The following TTL variants were observed in gnomAD, a reference collection of about 807,000 sequenced individuals.
TTL encodes tubulin tyrosine ligase.
TTL carries 10 observed loss-of-function variants against 41.1 expected under a neutral mutation model. That is an observed-to-expected ratio of 0.24 (90% CI 0.15 to 0.41). The LOEUF (loss-of-function observed/expected upper bound fraction) is 0.41, where lower values mean the gene tolerates loss of function less well. Among genes scored for constraint, TTL ranks in the 10% least tolerant of loss-of-function variants. The pLI is 1.00. For synonymous variants in TTL, 175 were observed against 175.5 expected, an observed-to-expected ratio of 1.00 and a Z score of 0.02; for missense variants, 367 against 460.4, an observed-to-expected ratio of 0.80 and a Z score of 1.86.
In TTL at chr2:112,533,888, CTTGAAGATTG is replaced by C. The variant is rs982119445; in HGVS notation, c.*5097_*5106del. The C allele has an allele frequency of 2.0e-5, 3 of 152,316 alleles. No homozygotes were observed. Among genetic ancestry groups the C allele is most frequent in the Middle Eastern group, 3.4e-3 (1 of 294 alleles). 9.4% of individuals were successfully genotyped at this position (152,316 alleles called of 1,614,324 possible). Reference sequence around the variant, plus strand: ...TCCAATGCAATACATAGTAGCAGAACTTGAAGATTGTTGCAAGCATAATTCCTTTCAAAAA... The same window carrying C: ...TCCAATGCAATACATAGTAGCAGAACTTGCAAGCATAATTCCTTTCAAAAA... On this transcript the variant is annotated 3_prime_UTR_variant, in exon 7 of 7. Coordinates refer to ENST00000233336, the MANE Select transcript of TTL (RefSeq NM_153712.5).
At chr2:112,519,550 G>GTTT (rs34836273) in intron 5 of TTL, among the ~76,000 whole-genome samples, 18 of 110,498 alleles carry the variant, frequency 1.6e-4, no homozygotes, top group South Asian at 3.0e-4. Context: ...AGGTCAACAT[G>GTTT]TTTTTTTTTT....
At chr2:112,488,757 T>TAA (rs199534560) in intron 2 of TTL, among the ~76,000 whole-genome samples, 1 of 119,372 alleles carries the variant, frequency 8.4e-6, no homozygotes, top group African/African-American at 3.1e-5. Flanking sequence ...GACTCCTTCT[T>TAA]AAAAAAAAAG....
chr2:112,493,811 A>G (rs1331810500), intron 2 of TTL, among the ~76,000 whole-genome samples: 7 of 152,144 alleles, frequency 4.6e-5, no homozygotes, highest in Non-Finnish European at 1.0e-4. Flanking sequence ...TAGTATGGGT[A>G]TGGTTCAACA....
At chr2:112,488,874 G>A (rs2104447918) in intron 2 of TTL, among the ~76,000 whole-genome samples, 1 of 152,292 alleles carries the variant, frequency 6.6e-6, no homozygotes, top group Non-Finnish European at 1.5e-5. Flanking sequence ...GGATCACGAT[G>A]TCAAGAGATT....
At position 112,521,279 on chromosome 2, in the gene TTL, G is replaced by C. The variant is rs947201224; in HGVS notation, c.1019+854G>C. ...TGAGAACCTGCTCTCCGGAACTTCT[G>C]CTTCTCTCGGGAGAAGGCTGGTTGT... On this transcript the variant is annotated intron_variant, in intron 6 of 6. Coordinates refer to ENST00000233336, the MANE Select transcript of TTL (RefSeq NM_153712.5). 8.1e-6 allele frequency: 8 copies of C among 985,284 alleles called. No homozygotes were observed. The African/African-American group carries it at 1.4e-4, about 17-fold the overall frequency. The allele number at this position is 985,284 out of a possible 1,614,324, so 61.0% of individuals were successfully genotyped here.
intron 3 of TTL, among the ~76,000 whole-genome samples, chr2:112,495,566 G>T (rs1179995829): frequency 6.6e-6 from 1 of 152,098 alleles, no homozygotes; most frequent in Non-Finnish European, 1.5e-5. Context: ...AACCATTCTG[G>T]CTGGGCATAG....
rs1682579434 is a variant in TTL at position 112,535,308 on chromosome 2, A to G, written c.*6513A>G. The G allele has an allele frequency of 6.6e-6, 1 of 152,174 alleles. No individual in the cohort carries two copies. Among genetic ancestry groups the G allele is most frequent in the African/African-American group, 2.4e-5 (1 of 41,456 alleles). 9.4% of individuals were successfully genotyped at this position (152,174 alleles called of 1,614,324 possible). A position where few individuals can be genotyped will look rare whatever the true frequency, so the allele number is the denominator to read the frequency against. ...ATGATCAGTGCTTCAGACACCCGTC[A>G]GACACCATCAAACATACCAACATAC... On this transcript the variant is annotated 3_prime_UTR_variant, in exon 7 of 7. Transcript: ENST00000233336.
At position 112,494,251 on chromosome 2, in the gene TTL, A is replaced by G. The variant is rs1321510484; in HGVS notation, c.345A>G (p.Gly115=). ...CTCCAGTTGCTCCAGCACAGAATGG[A>G]ATTCAGCCACCAATCAGTAACTCAA... ...LKTPVAPAQN[G]IQPPISNSRT... Residue 115 remains glycine (G), a synonymous_variant, in exon 3 of 7, where the codon GGA becomes GGG. Coordinates refer to ENST00000233336, the MANE Select transcript of TTL (RefSeq NM_153712.5). 1 of 1,614,202 alleles carries G rather than the reference A, an allele frequency of 6.2e-7. No homozygotes were observed. The highest frequency in any genetic ancestry group is 2.2e-5 in the East Asian group (1 of 44,884).
intron 3 of TTL, among the ~76,000 whole-genome samples, chr2:112,494,815 A>G (rs1327342166): frequency 6.6e-6 from 1 of 152,100 alleles, no homozygotes; most frequent in Non-Finnish European, 1.5e-5. Flanking sequence ...TACCTTCAAA[A>G]TATATTCTGA....
Position 112,539,635 on chromosome 2 carries a change from A to G in TTL, c.*10840A>G, listed in dbSNP as rs1240208316. On this transcript the variant is annotated 3_prime_UTR_variant, in exon 7 of 7. Coordinates refer to ENST00000233336, the MANE Select transcript of TTL (RefSeq NM_153712.5). ...TATCAGGCACAAAACAAGTATATTT[A>G]TTCTTGTCACTTCAACATTGTATTA... 2.0e-5 allele frequency: 3 copies of G among 152,222 alleles called. No individual in the cohort carries two copies. The highest frequency in any genetic ancestry group is 4.4e-5 in the Non-Finnish European group (3 of 68,032). The allele number at this position is 152,222 out of a possible 1,614,324, so 9.4% of individuals were successfully genotyped here.
At chr2:112,509,880 C>A (rs1681879301) in intron 5 of TTL, among the ~76,000 whole-genome samples, 1 of 152,214 alleles carries the variant, frequency 6.6e-6, no homozygotes, top group African/African-American at 2.4e-5. Flanking sequence ...GTGATCTACC[C>A]CCCTCGGCCT....
chr2:112,494,291 G>C lies in TTL; in HGVS notation c.385G>C (p.Glu129Gln). Residue 129 changes from glutamate (E) to glutamine (Q), a missense_variant, in exon 3 of 7, where the codon GAA becomes CAA. Glu to Gln is a conservative substitution (Grantham distance 29). Coordinates refer to ENST00000233336, the MANE Select transcript of TTL (RefSeq NM_153712.5). ...PISNSRTDER[E>Q]FFLASYNRKK... The stretch of plus-strand genomic sequence containing the variant: ...CAGTAACTCAAGGACAGATGAAAGA[G>C]AATTCTTTCTCGCCTCTTATAACAG... 6.2e-7 allele frequency: 1 copy of C among 1,614,198 alleles called. No homozygotes were observed. The highest frequency in any genetic ancestry group is 8.5e-7 in the Non-Finnish European group (1 of 1,180,044).
In TTL at chr2:112,534,727, A is replaced by G. The variant is rs1280591058; in HGVS notation, c.*5932A>G. On this transcript the variant is annotated 3_prime_UTR_variant, in exon 7 of 7. Coordinates refer to ENST00000233336, the MANE Select transcript of TTL (RefSeq NM_153712.5). Reference sequence around the variant, plus strand: ...ACAGTTGGAACAAACAAACTGACCAAAAGACTTAGAAGGAAAAACTGGGAA... The same window carrying G: ...ACAGTTGGAACAAACAAACTGACCAGAAGACTTAGAAGGAAAAACTGGGAA... 6.6e-6 allele frequency: 1 copy of G among 152,220 alleles called. No individual in the cohort carries two copies. The highest frequency in any genetic ancestry group is 1.5e-5 in the Non-Finnish European group (1 of 68,042). 9.4% of individuals were successfully genotyped at this position (152,220 alleles called of 1,614,324 possible). A position where few individuals can be genotyped will look rare whatever the true frequency, so the allele number is the denominator to read the frequency against.
chr2:112,521,080 T>C, intron 6 of TTL: 1 of 665,268 alleles, frequency 1.5e-6, no homozygotes, highest in Non-Finnish European at 1.9e-6. Context: ...CAGGAAGGAG[T>C]CAGAGAAGGC....
rs2104483266 is a variant in TTL at position 112,532,007 on chromosome 2, T to C, written c.*3212T>C. The C allele has an allele frequency of 4.4e-6, 1 of 227,936 alleles. No individual in the cohort carries two copies. The highest frequency in any genetic ancestry group is 6.3e-5 in the East Asian group (1 of 15,900). 14.1% of individuals were successfully genotyped at this position (227,936 alleles called of 1,614,324 possible). A position where few individuals can be genotyped will look rare whatever the true frequency, so the allele number is the denominator to read the frequency against. ...CCAAGAACATTTAAGTGCCTCAGCA[T>C]CTGTATGATATAGTGGAGCAGGTGC... On this transcript the variant is annotated 3_prime_UTR_variant, in exon 7 of 7. Coordinates refer to ENST00000233336, the MANE Select transcript of TTL (RefSeq NM_153712.5).
intron 2 of TTL, among the ~76,000 whole-genome samples, chr2:112,487,866 T>C (rs3980071): frequency 0.94 from 143,729 of 152,264 alleles, 68,409 homozygotes; most frequent in East Asian, 1. Context: ...CTCTCTCCCA[T>C]GATTTTGTAT....
chr2:112,534,693 G>A lies in TTL; in HGVS notation c.*5898G>A, dbSNP rs144720892. 14 of 152,320 alleles carry A rather than the reference G, an allele frequency of 9.2e-5. No homozygotes were observed. The highest frequency in any genetic ancestry group is 3.1e-4 in the African/African-American group (13 of 41,574). The allele number at this position is 152,320 out of a possible 1,614,324, so 9.4% of individuals were successfully genotyped here. On this transcript the variant is annotated 3_prime_UTR_variant, in exon 7 of 7. Transcript: ENST00000233336. ...TTGTTGAACATCTCAGCTTCCTAAG[G>A]TGGCTGTAACAGTTGGAACAAACAA...
In TTL at chr2:112,537,844, T is replaced by C. The variant is rs1682627209; in HGVS notation, c.*9049T>C. 3 of 151,960 alleles carry C rather than the reference T, an allele frequency of 2.0e-5. No individual in the cohort carries two copies. Among genetic ancestry groups the C allele is most frequent in the East Asian group, 1.9e-4 (1 of 5,190 alleles). 9.4% of individuals were successfully genotyped at this position (151,960 alleles called of 1,614,324 possible). A position where few individuals can be genotyped will look rare whatever the true frequency, so the allele number is the denominator to read the frequency against. On this transcript the variant is annotated 3_prime_UTR_variant, in exon 7 of 7. Coordinates refer to ENST00000233336, the MANE Select transcript of TTL (RefSeq NM_153712.5). ...ACTAGGCAGAAGATCAACAAGAAAATAGAAAACACTATAAACCAACTAGAC... is the reference window on the plus strand; with the variant it reads ...ACTAGGCAGAAGATCAACAAGAAAACAGAAAACACTATAAACCAACTAGAC...
intron 6 of TTL, among the ~76,000 whole-genome samples, chr2:112,526,320 G>T (rs370172307): frequency 2.6e-5 from 4 of 152,040 alleles, no homozygotes; most frequent in Admixed American, 1.3e-4. Context: ...TTAGGGAGGA[G>T]TCCCTCTTTT....
Sources: gnomAD v4.1 joint callset for allele counts (sites outside exome capture counted in the v4.1 genomes callset) on GRCh38, gnomAD v4.1.1 for gene constraint, MANE v1.5 for transcripts, NCBI Gene and HGNC (gene_info 2026-07-23, HGNC 2026-07-21) for gene names.